LEFTY1: variants seen among roughly 807,000 people sequenced by gnomAD.
LEFTY1 encodes the protein left-right determination factor 1.
Under a neutral mutation model 22.6 loss-of-function variants are expected in LEFTY1, and 18 were observed. The ratio of observed to expected loss-of-function variants is 0.80; its 90% confidence interval spans 0.55 to 1.18. The LOEUF (loss-of-function observed/expected upper bound fraction) is 1.18. Ranked by LOEUF, LEFTY1 falls within the 50% of genes most tolerant of loss-of-function variation. The pLI is 0.00. For missense variants in LEFTY1, 414 were observed against 495.4 expected (o/e 0.84, Z 1.56); for synonymous variants, 201 against 231.5 (o/e 0.87, Z 1.20).
chr1:225,888,151 C>T lies in LEFTY1; in HGVS notation c.251-119G>A, dbSNP rs371246904. 4.2e-4 allele frequency: 589 copies of T among 1,410,322 alleles called. 10 individuals carry two copies. The African/African-American group carries it at 7.9e-3, about 19-fold the overall frequency. The allele number at this position is 1,410,322 out of a possible 1,614,324, so 87.4% of individuals were successfully genotyped here. On this transcript the variant is annotated intron_variant, in intron 1 of 3. Transcript: ENST00000272134. ...CACCGGCCCTGTTCTATTTCTGGGG[C>T]AAACCCAGTTTACAAATCTTCCTTG...
rs760195038 is a variant in LEFTY1 at position 225,888,867 on chromosome 1, C to A, written c.200G>T (p.Arg67Leu). The change falls in exon 1 of 4, where the codon CGC becomes CTC. Residue 67 changes from arginine to leucine, a missense_variant. Coordinates refer to ENST00000272134, the MANE Select transcript of LEFTY1 (RefSeq NM_020997.4). ...TCCGCGGGAGCGGTCCCCGTGGCTG[C>A]GCTGCAGCAGGGCCACGTACTGGGC... ...VRAQYVALLQ[R>L]SHGDRSRGKR... 4 of 1,613,220 alleles carry A rather than the reference C, an allele frequency of 2.5e-6. No individual in the cohort carries two copies. Among genetic ancestry groups the A allele is most frequent in the Non-Finnish European group, 3.4e-6 (4 of 1,179,804 alleles).
intron 1 of LEFTY1, 90 bp downstream of exon 1, chr1:225,888,727 C>T (rs1671337696): frequency 6.4e-7 from 1 of 1,560,656 alleles, no homozygotes; most frequent in African/African-American, 1.4e-5. Context: ...CCACAGACCT[C>T]TGCAAGGCCA....
rs1203157266 is a variant in LEFTY1 at position 225,886,858 on chromosome 1, G to A, written c.970C>T (p.Leu324=). 1 of 1,613,960 alleles carries A rather than the reference G, an allele frequency of 6.2e-7. No individual in the cohort carries two copies. Among genetic ancestry groups the A allele is most frequent in the East Asian group, 2.2e-5 (1 of 44,880 alleles). ...RQCIASETDS[L]PMIVSIKEGG... ...TCCTTGATGCTGACGATCATGGGCA[G>A]CGAGTCAGTCTCCGAGGCGATGCAC... The change falls in exon 4 of 4, where the codon CTG becomes TTG. Residue 324 remains leucine (L), a synonymous_variant. Coordinates refer to ENST00000272134, the MANE Select transcript of LEFTY1 (RefSeq NM_020997.4).
At position 225,888,001 on chromosome 1, in the gene LEFTY1, G is replaced by A. The variant is rs1671322925; in HGVS notation, c.282C>T (p.Ala94=). Reference sequence around the variant, plus strand: ...TGCCGAACACCAGCAGGTGTGTGCTGGCCTCCAACGCCAGGAACCTGCCGG... The same window carrying A: ...TGCCGAACACCAGCAGGTGTGTGCTAGCCTCCAACGCCAGGAACCTGCCGG... ...EVAGRFLALE[A]STHLLVFGME... is the part of the protein sequence containing the mutation. Residue 94 remains alanine (A), a synonymous_variant, in exon 2 of 4, where the codon GCC becomes GCT. Coordinates refer to ENST00000272134, the MANE Select transcript of LEFTY1 (RefSeq NM_020997.4). 6.3e-7 allele frequency: 1 copy of A among 1,590,840 alleles called. No individual in the cohort carries two copies. Among genetic ancestry groups the A allele is most frequent in the Admixed American group, 1.7e-5 (1 of 59,620 alleles).
chr1:225,886,977 T>C lies in LEFTY1; in HGVS notation c.851A>G (p.Glu284Gly). The C allele has an allele frequency of 1.9e-6, 3 of 1,611,558 alleles. No homozygotes were observed. Among genetic ancestry groups the C allele is most frequent in the Non-Finnish European group, 2.5e-6 (3 of 1,178,192 alleles). ...GMKWAENWVL[E>G]PPGFLAYECV... ...CTCATAAGCCAGGAAGCCCGGGGGCTCCAGCACCCAGTTCTCGGCCCACTT... is the reference window on the plus strand; with the variant it reads ...CTCATAAGCCAGGAAGCCCGGGGGCCCCAGCACCCAGTTCTCGGCCCACTT... Residue 284 changes from glutamate to glycine, a missense_variant, in exon 4 of 4, where the codon GAG (glutamate) becomes GGG (glycine). Glu to Gly is a moderately conservative substitution (Grantham distance 98). Transcript: ENST00000272134.
rs1349830186 is a variant in LEFTY1, at chr1:225,888,808, G to A, written c.250+9C>T. 1.2e-5 allele frequency: 19 copies of A among 1,612,900 alleles called. No individual in the cohort carries two copies. The highest frequency in any genetic ancestry group is 1.6e-5 in the Non-Finnish European group (19 of 1,179,776). On this transcript the variant is annotated intron_variant, in intron 1 of 3. Transcript: ENST00000272134. ...TGGGACCAGGGGCAGCAGGGAGGGA[G>A]GGCCTCACCTCGGAAGCTCTGGCTG... is the stretch of plus-strand genomic sequence containing the variant.
rs941089012 is a variant in LEFTY1, at chr1:225,888,836, C to A, written c.231G>T (p.Arg77Ser). 20 of 1,613,134 alleles carry A rather than the reference C, an allele frequency of 1.2e-5. No individual in the cohort carries two copies. The highest frequency in any genetic ancestry group is 1.7e-5 in the Non-Finnish European group (20 of 1,179,798). The stretch of plus-strand genomic sequence containing the variant: ...CCTCACCTCGGAAGCTCTGGCTGAA[C>A]CTCTTTCCGCGGGAGCGGTCCCCGT... ...RSHGDRSRGK[R>S]FSQSFREVAG... The change falls in exon 1 of 4, where the codon AGG becomes AGT. Residue 77 changes from arginine to serine, a missense_variant. Arg to Ser is a moderately radical substitution (Grantham distance 110). This residue lies in a region of LEFTY1 where 398 missense variants were observed against 454.7 expected (regional missense o/e 0.88). Transcript: ENST00000272134.
rs1671281393 is a variant in LEFTY1 at position 225,886,470 on chromosome 1, TG to T, written c.*256del. ...GCCCTCAGGTTACAGTATCTCCACA[TG>T]TAAGTGCTTAGAATATAGTGCAGTG... On this transcript the variant is annotated 3_prime_UTR_variant, in exon 4 of 4. Transcript: ENST00000272134. The T allele has an allele frequency of 1.7e-6, 1 of 602,886 alleles. No individual in the cohort carries two copies. The highest frequency in any genetic ancestry group is 3.1e-5 in the East Asian group (1 of 31,898). The allele number at this position is 602,886 out of a possible 1,614,324, so 37.3% of individuals were successfully genotyped here. A position where few individuals can be genotyped will look rare whatever the true frequency, so the allele number is the denominator to read the frequency against.
At position 225,888,994 on chromosome 1, in the gene LEFTY1, C is replaced by A; in HGVS notation, c.73G>T (p.Glu25Ter). The change falls in exon 1 of 4, where the codon GAG (glutamate) becomes TAG (stop). Residue 25 changes from glutamate to a stop codon, truncating the protein, a stop_gained. Transcript: ENST00000272134. LOFTEE classifies it high-confidence loss of function. ...LASPGAALTG[E>*]QLLGSLLRQL... ...CGCAGCAGGCTGCCCAGGAGCTGCT[C>A]CCCGGTCAGGGCGGCCCCGGGGCTG... The A allele has an allele frequency of 6.3e-7, 1 of 1,575,558 alleles. No homozygotes were observed. The highest frequency in any genetic ancestry group is 8.6e-7 in the Non-Finnish European group (1 of 1,160,928).
intron 1 of LEFTY1, among the ~76,000 whole-genome samples, 196 bp downstream of exon 1, chr1:225,888,621 C>A (rs1205784170): frequency 6.6e-6 from 1 of 152,206 alleles, no homozygotes; most frequent in Non-Finnish European, 1.5e-5. Context: ...CCCCCGGAGT[C>A]CTGACTGCAT....
Position 225,886,690 on chromosome 1 carries a change from C to T in LEFTY1, c.*37G>A, listed in dbSNP as rs753662154. 6 of 1,612,320 alleles carry T rather than the reference C, an allele frequency of 3.7e-6. No individual in the cohort carries two copies. Among genetic ancestry groups the T allele is most frequent in the African/African-American group, 1.3e-5 (1 of 74,890 alleles). Reference sequence around the variant, plus strand: ...GGTACCCTCGAACACTTCAGAAACACACACAAGTCAAGTCCCTCGATGGCT... The same window carrying T: ...GGTACCCTCGAACACTTCAGAAACATACACAAGTCAAGTCCCTCGATGGCT... On this transcript the variant is annotated 3_prime_UTR_variant, in exon 4 of 4. Coordinates refer to ENST00000272134, the MANE Select transcript of LEFTY1 (RefSeq NM_020997.4).
rs749625330 is a variant in LEFTY1 at position 225,887,074 on chromosome 1, C to T, written c.754G>A (p.Asp252Asn). ...CCCTCGGTCATTGGTGCTTCAGGGTCACAGTCGCCCTGAGCTCTGTGTGGG... is the reference window on the plus strand; with the variant it reads ...CCCTCGGTCATTGGTGCTTCAGGGTTACAGTCGCCCTGAGCTCTGTGTGGG... ...LGDYGAQGDCDPEAPMTEGTR... is the reference protein window; with the variant it reads ...LGDYGAQGDCNPEAPMTEGTR... Residue 252 changes from aspartate (D) to asparagine (N), a missense_variant, in exon 4 of 4, where the codon GAC becomes AAC. Physicochemically the swap from Asp to Asn is conservative, Grantham distance 23. Around this residue, in one of 2 missense-constraint regions of LEFTY1, gnomAD observed 398 missense variants for 454.7 expected, o/e 0.88. Transcript: ENST00000272134. 1.8e-5 allele frequency: 29 copies of T among 1,601,304 alleles called. No individual in the cohort carries two copies. Among genetic ancestry groups the T allele is most frequent in the Admixed American group, 8.6e-5 (5 of 58,210 alleles).
intron 2 of LEFTY1, 30 bp downstream of exon 2, chr1:225,887,756 C>G (rs1323066983): frequency 5.8e-6 from 9 of 1,554,034 alleles, no homozygotes; most frequent in African/African-American, 1.4e-5. Context: ...AGCGCCCTCC[C>G]CCTACCCTGC....
At position 225,886,536 on chromosome 1, in the gene LEFTY1, T is replaced by C. The variant is rs528818276; in HGVS notation, c.*191A>G. 9.0e-7 allele frequency: 1 copy of C among 1,108,520 alleles called. No individual in the cohort carries two copies. Among genetic ancestry groups the C allele is most frequent in the Non-Finnish European group, 1.2e-6 (1 of 800,874 alleles). 68.7% of individuals were successfully genotyped at this position (1,108,520 alleles called of 1,614,324 possible). On this transcript the variant is annotated 3_prime_UTR_variant, in exon 4 of 4. Transcript: ENST00000272134. ...AGAAAACTGAGCAAGGGCTCTCCAG[T>C]GGCCAAAGATTCTCATTCCTGAGAA...
chr1:225,888,593 T>C (rs989447440), intron 1 of LEFTY1, among the ~76,000 whole-genome samples: 4 of 152,046 alleles, frequency 2.6e-5, no homozygotes, highest in African/African-American at 9.7e-5. Flanking sequence ...CAGACCAGAG[T>C]GGCAGTACGA....
rs1294048176 is a variant in LEFTY1, at chr1:225,888,849, G to A, written c.218C>T (p.Ser73Phe). Residue 73 changes from serine (S) to phenylalanine (F), a missense_variant, in exon 1 of 4, where the codon TCC becomes TTC. Transcript: ENST00000272134. Reference sequence around the variant, plus strand: ...GCTCTGGCTGAACCTCTTTCCGCGGGAGCGGTCCCCGTGGCTGCGCTGCAG... The same window carrying A: ...GCTCTGGCTGAACCTCTTTCCGCGGAAGCGGTCCCCGTGGCTGCGCTGCAG... ...ALLQRSHGDR[S>F]RGKRFSQSFR... 5 of 1,613,326 alleles carry A rather than the reference G, an allele frequency of 3.1e-6. No individual in the cohort carries two copies. Among genetic ancestry groups the A allele is most frequent in the South Asian group, 2.2e-5 (2 of 91,064 alleles).
chr1:225,887,647 T>A lies in LEFTY1; in HGVS notation c.498-9A>T. The A allele has an allele frequency of 2.5e-6, 4 of 1,612,106 alleles. No individual in the cohort carries two copies. Among genetic ancestry groups the A allele is most frequent in the Non-Finnish European group, 3.4e-6 (4 of 1,179,726 alleles). On this transcript the variant is annotated splice_polypyrimidine_tract_variant and intron_variant, in intron 2 of 3. Coordinates refer to ENST00000272134, the MANE Select transcript of LEFTY1 (RefSeq NM_020997.4). ...CGTGGACGGACACCAGCCTGAGACATGACACAGAGACCCAGCGCCGCTTGA... is the reference window on the plus strand; with the variant it reads ...CGTGGACGGACACCAGCCTGAGACAAGACACAGAGACCCAGCGCCGCTTGA...
At position 225,887,556 on chromosome 1, in the gene LEFTY1, G is replaced by A. The variant is rs376691125; in HGVS notation, c.580C>T (p.Arg194Trp). 5.1e-5 allele frequency: 82 copies of A among 1,610,996 alleles called. No homozygotes were observed. The East Asian group carries it at 1.2e-3, about 25-fold the overall frequency. ...VNFWQQLSRP[R>W]QPLLLQVSVQ... The stretch of plus-strand genomic sequence containing the variant: ...GACACCTGTAGCAGCAGCGGCTGCC[G>A]GGGCCGGCTCAGCTGCTGCCAGAAG... The change falls in exon 3 of 4, where the codon CGG becomes TGG. Residue 194 changes from arginine (R) to tryptophan (W), a missense_variant. Coordinates refer to ENST00000272134, the MANE Select transcript of LEFTY1 (RefSeq NM_020997.4).
chr1:225,886,379 G>C lies in LEFTY1; in HGVS notation c.*348C>G, dbSNP rs1671280499. ...TAACCCCAGGTCTTAGGTCCAGAGT[G>C]GTGGTGGAGGACTTTAGCCCAGATC... is the stretch of plus-strand genomic sequence containing the variant. On this transcript the variant is annotated 3_prime_UTR_variant, in exon 4 of 4. Coordinates refer to ENST00000272134, the MANE Select transcript of LEFTY1 (RefSeq NM_020997.4). 1 of 287,532 alleles carries C rather than the reference G, an allele frequency of 3.5e-6. No homozygotes were observed. The highest frequency in any genetic ancestry group is 6.5e-6 in the Non-Finnish European group (1 of 152,978). The allele number at this position is 287,532 out of a possible 1,614,324, so 17.8% of individuals were successfully genotyped here. A position where few individuals can be genotyped will look rare whatever the true frequency, so the allele number is the denominator to read the frequency against.
Sources: gnomAD v4.1 joint callset for allele counts (sites outside exome capture counted in the v4.1 genomes callset) on GRCh38, gnomAD v4.1.1 for gene constraint, gnomAD v4.1.1 regional missense constraint, MANE v1.5 for transcripts, NCBI Gene and HGNC (gene_info 2026-07-23, HGNC 2026-07-21) for gene names.